Variants in AK4 observed in about 807,000 individuals in gnomAD.
The protein encoded by AK4 is adenylate kinase 4, mitochondrial.
Under a neutral mutation model 24.6 loss-of-function variants are expected in AK4, and 13 were observed. That is an observed-to-expected ratio of 0.53 (90% CI 0.34 to 0.84). The LOEUF is 0.84. AK4 is among the 40% of genes least tolerant of loss of function. The probability of loss-of-function intolerance (pLI) is 0.01; values close to 1 mark genes in which losing one functional copy is unlikely to be tolerated. For missense variants in AK4, 192 were observed against 288.2 expected (o/e 0.67, Z 2.42); for synonymous variants, 88 against 107.0 (o/e 0.82, Z 1.10).
At chr1:65,213,816 G>T (rs965933598) in intron 2 of AK4, among the ~76,000 whole-genome samples, 1 of 152,168 alleles carries the variant, frequency 6.6e-6, no homozygotes, top group African/African-American at 2.4e-5. Context: ...ACTATATTTA[G>T]AGAGAAGGTC....
At chr1:65,172,334 C>T (rs1022301821) in intron 1 of AK4, among the ~76,000 whole-genome samples, 8 of 151,644 alleles carry the variant, frequency 5.3e-5, no homozygotes, top group African/African-American at 1.5e-4. Context: ...ATTCTTGTCT[C>T]GAATATGTCA....
chr1:65,162,363 G>A (rs1650195467), intron 1 of AK4, among the ~76,000 whole-genome samples: 1 of 152,206 alleles, frequency 6.6e-6, no homozygotes. Context: ...TGTAAGTGGG[G>A]AGGAGATGGT....
intron 2 of AK4, among the ~76,000 whole-genome samples, chr1:65,215,627 ATCTGTGGTCTT>A (rs1652107930): frequency 6.6e-6 from 1 of 152,156 alleles, no homozygotes; most frequent in Non-Finnish European, 1.5e-5. Flanking sequence ...ATTAATTATC[ATCTGTGGTCTT>A]TAGCAGGTCT....
intron 2 of AK4, among the ~76,000 whole-genome samples, chr1:65,217,517 T>C (rs1274684045): frequency 2.0e-5 from 3 of 152,194 alleles, no homozygotes; most frequent in African/African-American, 7.2e-5. Flanking sequence ...AGACATTTTT[T>C]TAGAAAATGA....
intron 2 of AK4, among the ~76,000 whole-genome samples, chr1:65,209,623 G>T (rs1439325808): frequency 6.6e-6 from 1 of 152,116 alleles, no homozygotes; most frequent in Admixed American, 6.5e-5. Context: ...GCTGATTGGT[G>T]TGAGAAGTAC....
At chr1:65,189,955 A>G (rs1412715735) in intron 1 of AK4, among the ~76,000 whole-genome samples, 2 of 152,126 alleles carry the variant, frequency 1.3e-5, no homozygotes, top group South Asian at 2.1e-4. Context: ...TGTTGTTTGT[A>G]TTATGTGGCA....
intron 2 of AK4, among the ~76,000 whole-genome samples, chr1:65,206,776 C>G (rs1295479873): frequency 6.6e-6 from 1 of 152,170 alleles, no homozygotes; most frequent in Admixed American, 6.5e-5. Context: ...GACCCTGTCT[C>G]AAACAAAACA....
intron 1 of AK4, among the ~76,000 whole-genome samples, chr1:65,156,695 G>A (rs755671036): frequency 6.6e-6 from 1 of 151,646 alleles, no homozygotes; most frequent in African/African-American, 2.4e-5. Flanking sequence ...AGGCTGAGGC[G>A]GGCAGATCAT....
At chr1:65,191,232 A>G (rs559509156) in intron 2 of AK4, among the ~76,000 whole-genome samples, 1 of 152,228 alleles carries the variant, frequency 6.6e-6, no homozygotes, top group Non-Finnish European at 1.5e-5. Context: ...TTTATTGAGT[A>G]TGTAGGAAAC....
At chr1:65,174,180 A>G (rs1316710429) in intron 1 of AK4, among the ~76,000 whole-genome samples, 1 of 152,070 alleles carries the variant, frequency 6.6e-6, no homozygotes, top group Non-Finnish European at 1.5e-5. Context: ...CCCCCCAAAT[A>G]AACCCTAGCC....
intron 2 of AK4, among the ~76,000 whole-genome samples, chr1:65,213,306 A>C (rs188660945): frequency 2.0e-5 from 3 of 152,200 alleles, no homozygotes; most frequent in African/African-American, 7.2e-5. Flanking sequence ...TTACTATTAA[A>C]GAGTCAGGTA....
rs372665509 is a variant in AK4, at chr1:65,204,957, C to T, written c.266-13797C>T. 5.9e-5 allele frequency among the ~76,000 whole-genome samples: 9 copies of T among 152,242 alleles called. No individual in the cohort carries two copies. In the East Asian group the frequency reaches 9.7e-4, roughly 16 times the overall value. ...ATATACTAGAAATCATTGAAATGTA[C>T]ACTTTAAATGAATTAATTGTATGGT... is the stretch of plus-strand genomic sequence containing the variant. On this transcript the variant is annotated intron_variant, in intron 2 of 4. Transcript: ENST00000327299.
intron 1 of AK4, among the ~76,000 whole-genome samples, chr1:65,156,106 T>C (rs1178243324): frequency 6.6e-6 from 1 of 152,240 alleles, no homozygotes; most frequent in African/African-American, 2.4e-5. Context: ...TAAGTACTCA[T>C]GTATAATTCC....
Position 65,204,819 on chromosome 1 carries a change from T to C in AK4, c.266-13935T>C, listed in dbSNP as rs1357184883. Among the ~76,000 whole-genome samples, 3 of 152,334 alleles carry C rather than the reference T, an allele frequency of 2.0e-5. No homozygotes were observed. The East Asian group carries it at 5.8e-4, about 29-fold the overall frequency. ...ATTTATTACAGTTTTCTTCTGCAAA[T>C]GTAATTCCTCAGTTTCTTACATTAA... is the stretch of plus-strand genomic sequence containing the variant. On this transcript the variant is annotated intron_variant, in intron 2 of 4. Coordinates refer to ENST00000327299, the MANE Select transcript of AK4 (RefSeq NM_013410.4).
chr1:65,165,231 A>G (rs1441012578), intron 1 of AK4, among the ~76,000 whole-genome samples: 1 of 152,194 alleles, frequency 6.6e-6, no homozygotes, highest in Admixed American at 6.5e-5. Flanking sequence ...ACCTTGCTTA[A>G]TAGTTGTTTG....
intron 2 of AK4, among the ~76,000 whole-genome samples, chr1:65,192,960 C>T (rs1266868455): frequency 6.6e-6 from 1 of 152,196 alleles, no homozygotes; most frequent in Non-Finnish European, 1.5e-5. Context: ...GGGTTCAATC[C>T]ACTCAGCAGC....
At position 65,226,726 on chromosome 1, in the gene AK4, C is replaced by T. The variant is rs892411422; in HGVS notation, c.*549C>T. 3.3e-5 allele frequency: 5 copies of T among 152,354 alleles called. No individual in the cohort carries two copies. The highest frequency in any genetic ancestry group is 9.7e-5 in the African/African-American group (4 of 41,350). The allele number at this position is 152,354 out of a possible 1,614,324, so 9.4% of individuals were successfully genotyped here. On this transcript the variant is annotated 3_prime_UTR_variant, in exon 5 of 5. Transcript: ENST00000327299. ...ACTGTGTCCACAGTTCATTTTTTTC[C>T]GGTAGGAATAACTCCTTTTCTACAT... is the stretch of plus-strand genomic sequence containing the variant.
intron 1 of AK4, among the ~76,000 whole-genome samples, chr1:65,165,513 A>G (rs910553702): frequency 6.6e-6 from 1 of 151,910 alleles, no homozygotes; most frequent in Non-Finnish European, 1.5e-5. Flanking sequence ...CTGCCTGTGA[A>G]TAGCCACTGC....
chr1:65,164,688 C>T (rs931891775), intron 1 of AK4, among the ~76,000 whole-genome samples: 1 of 152,134 alleles, frequency 6.6e-6, no homozygotes, highest in African/African-American at 2.4e-5. Flanking sequence ...CAAATATTTT[C>T]TCCTATCCTG....
Sources: gnomAD v4.1 joint callset for allele counts (sites outside exome capture counted in the v4.1 genomes callset) on GRCh38, gnomAD v4.1.1 for gene constraint, MANE v1.5 for transcripts, NCBI Gene and HGNC (gene_info 2026-07-23, HGNC 2026-07-21) for gene names.